The following CEP120 variants were observed in gnomAD, a reference collection of about 807,000 sequenced individuals.
The protein encoded by CEP120 is centrosomal protein of 120 kDa.
CEP120 carries 113 observed loss-of-function variants against 126.5 expected under a neutral mutation model. The observed-to-expected ratio is 0.89, with a 90% confidence interval of 0.77 to 1.04. CEP120 has a LOEUF of 1.04. Ranked by LOEUF, CEP120 falls within the 50% of genes least tolerant of loss-of-function variation. The pLI is 0.00. For synonymous variants in CEP120, 400 were observed against 394.3 expected (o/e 1.01, Z -0.17); for missense variants, 1,230 against 1,155.7 (o/e 1.06, Z -0.93).
chr5:123,407,571 C>G (rs1238908587), intron 4 of CEP120, among the ~76,000 whole-genome samples: 1 of 152,038 alleles, frequency 6.6e-6, no homozygotes, highest in Non-Finnish European at 1.5e-5. Flanking sequence ...AACAGAGTAT[C>G]AAAATACATG....
chr5:123,351,474 C>T (rs1769193597), intron 18 of CEP120, among the ~76,000 whole-genome samples: 1 of 152,084 alleles, frequency 6.6e-6, no homozygotes, highest in Admixed American at 6.5e-5. Flanking sequence ...AGATTTTATA[C>T]ATGTCTTTTG....
intron 4 of CEP120, among the ~76,000 whole-genome samples, chr5:123,408,385 A>G (rs76650873): frequency 1.4e-5 from 2 of 145,766 alleles, no homozygotes; most frequent in South Asian, 2.1e-4. Flanking sequence ...GCTCAATAAG[A>G]AAAAAAAAAA....
At chr5:123,347,300 C>T (rs532429153) in intron 19 of CEP120, among the ~76,000 whole-genome samples, 12 of 152,074 alleles carry the variant, frequency 7.9e-5, no homozygotes, top group Admixed American at 5.2e-4. Context: ...TAGGTTGCTC[C>T]TAAACCTTTG....
intron 18 of CEP120, among the ~76,000 whole-genome samples, chr5:123,362,772 C>G (rs1469906916): frequency 6.6e-6 from 1 of 151,642 alleles, no homozygotes; most frequent in African/African-American, 2.4e-5. Context: ...CAACTTTAAA[C>G]ACTACCTCTG....
chr5:123,423,761 A>G (rs1159241186), upstream of CEP120, among the ~76,000 whole-genome samples: 1 of 152,196 alleles, frequency 6.6e-6, no homozygotes, highest in Non-Finnish European at 1.5e-5. Flanking sequence ...AATCACAAAA[A>G]AATAATGACT....
At chr5:123,361,094 T>C (rs1432136193) in intron 18 of CEP120, among the ~76,000 whole-genome samples, 2 of 151,836 alleles carry the variant, frequency 1.3e-5, no homozygotes, top group African/African-American at 4.8e-5. Context: ...ACTGTTCCCC[T>C]TTTCAGCTGA....
intron 13 of CEP120, 127 bp from the exon 14 acceptor site, chr5:123,382,327 A>T: frequency 7.2e-4 from 112 of 155,934 alleles, no homozygotes; most frequent in East Asian, 1.3e-3. Context: ...TTTTATTCTA[A>T]AAAAAAAAAA....
intron 4 of CEP120, among the ~76,000 whole-genome samples, chr5:123,402,531 C>T (rs916357501): frequency 3.3e-5 from 5 of 152,142 alleles, no homozygotes; most frequent in Non-Finnish European, 7.4e-5. Flanking sequence ...GCTGCCTCCG[C>T]CTCCTGAGTA....
Position 123,423,034 on chromosome 5 carries a change from G to T in CEP120, c.-36C>A. ...AGCGGTCCGGGGGCGAAGGCGGCTG[G>T]GGGGAAGTGAGGTCCAGTTGAGTCG... On this transcript the variant is annotated 5_prime_UTR_variant, in exon 1 of 20. Transcript: ENST00000306467. 1 of 1,594,698 alleles carries T rather than the reference G, an allele frequency of 6.3e-7. No individual in the cohort carries two copies. The highest frequency in any genetic ancestry group is 8.6e-7 in the Non-Finnish European group (1 of 1,162,880).
chr5:123,379,911 A>C (rs1336593289), intron 14 of CEP120, among the ~76,000 whole-genome samples: 7 of 152,070 alleles, frequency 4.6e-5, no homozygotes. Context: ...TCTACAGAAC[A>C]CTTCCTTATG....
intron 6 of CEP120, 21 bp from the exon 7 acceptor site, chr5:123,391,358 C>T: frequency 6.5e-7 from 1 of 1,538,562 alleles, no homozygotes; most frequent in South Asian, 1.1e-5. Context: ...AGGGAAAAAT[C>T]AAAATAGGGC....
intron 18 of CEP120, among the ~76,000 whole-genome samples, chr5:123,352,290 G>A (rs540059077): frequency 6.6e-6 from 1 of 152,016 alleles, no homozygotes; most frequent in South Asian, 2.1e-4. Context: ...TTTTAACATA[G>A]TTCAGATTTT....
intron 16 of CEP120, among the ~76,000 whole-genome samples, chr5:123,376,265 T>C (rs113525322): frequency 2.8e-4 from 42 of 152,236 alleles, no homozygotes; most frequent in African/African-American, 9.6e-4. Context: ...GAGTGGGTGA[T>C]GCTTTAGCTT....
chr5:123,372,754 T>A lies in CEP120; in HGVS notation c.2377A>T (p.Lys793Ter). 4 of 1,603,608 alleles carry A rather than the reference T, an allele frequency of 2.5e-6. No individual in the cohort carries two copies. The highest frequency in any genetic ancestry group is 3.4e-6 in the Non-Finnish European group (4 of 1,174,822). The change falls in exon 17 of 20, where the codon AAG (lysine) becomes TAG (stop). Residue 793 changes from lysine to a stop codon, truncating the protein, a stop_gained. Coordinates refer to ENST00000306467, the MANE Select transcript of CEP120 (RefSeq NM_001375405.1). LOFTEE classifies it high-confidence loss of function. ...AACTCTTTTTCCAAAATCTTATACT[T>A]ATTTTCAGCATCATTAAGCTGTATT... ...LQQQLNDAEN[K>*]YKILEKEFQQ...
At chr5:123,380,893 T>G (rs2127044052) in intron 14 of CEP120, among the ~76,000 whole-genome samples, 1 of 152,242 alleles carries the variant, frequency 6.6e-6, no homozygotes, top group East Asian at 1.9e-4. Flanking sequence ...TTAAAATGTA[T>G]GTCAGGGCTT....
chr5:123,385,857 G>T (rs767791680), intron 10 of CEP120, among the ~76,000 whole-genome samples: 7 of 152,036 alleles, frequency 4.6e-5, no homozygotes, highest in Admixed American at 2.0e-4. Flanking sequence ...TGCTCAAGTT[G>T]GCCTCCCAAA....
chr5:123,356,054 T>A (rs1769591146), intron 18 of CEP120, among the ~76,000 whole-genome samples: 1 of 152,214 alleles, frequency 6.6e-6, no homozygotes, highest in Non-Finnish European at 1.5e-5. Context: ...CCATTTCCTG[T>A]TTTTGTCAGG....
chr5:123,412,591 CAT>C (rs767471696), intron 3 of CEP120, 51 bp from the exon 4 acceptor site: 3 of 1,361,246 alleles, frequency 2.2e-6, no homozygotes, highest in Non-Finnish European at 3.0e-6. Context: ...AGGGAAAAAA[CAT>C]ATTGGGAAAT....
rs779430318 is a variant in CEP120 at position 123,422,936 on chromosome 5, C to CT, written c.49+13dup. 3 of 1,613,732 alleles carry CT rather than the reference C, an allele frequency of 1.9e-6. No individual in the cohort carries two copies. ...GGAGGCAGCAGTTGCAAAAGCAAGC[C>CT]TCAGGCTGCTCACCTTCTAGGATGG... On this transcript the variant is annotated intron_variant, in intron 1 of 19. Coordinates refer to ENST00000306467, the MANE Select transcript of CEP120 (RefSeq NM_001375405.1).
Sources: allele counts gnomAD v4.1 joint callset (sites outside exome capture counted in the v4.1 genomes callset), GRCh38; gene constraint gnomAD v4.1.1; transcripts MANE v1.5; gene names NCBI Gene and HGNC (gene_info 2026-07-23, HGNC 2026-07-21).